The following PHYHIPL variants were observed in gnomAD, a reference collection of about 807,000 sequenced individuals.
The protein encoded by PHYHIPL is phytanoyl-CoA hydroxylase-interacting protein-like.
In PHYHIPL, 9 loss-of-function variants were observed where a neutral mutation model predicts 33.4. The observed-to-expected ratio is 0.27, with a 90% confidence interval of 0.16 to 0.47. The LOEUF (loss-of-function observed/expected upper bound fraction) is 0.47, where lower values mean the gene tolerates loss of function less well. Ranked by LOEUF, PHYHIPL falls within the 20% of genes least tolerant of loss-of-function variation. The probability of loss-of-function intolerance (pLI) is 0.99; values close to 1 mark genes in which losing one functional copy is unlikely to be tolerated. For synonymous variants in PHYHIPL, 153 were observed against 154.1 expected, an observed-to-expected ratio of 0.99 and a Z score of 0.05; for missense variants, 365 against 460.7, an observed-to-expected ratio of 0.79 and a Z score of 1.90.
chr10:59,211,655 C>T (rs1354881779), intron 1 of PHYHIPL, among the ~76,000 whole-genome samples: 7 of 88,726 alleles, frequency 7.9e-5, no homozygotes, highest in Non-Finnish European at 9.7e-5. Flanking sequence ...GGATTATAGG[C>T]GGACTCTCTA....
At chr10:59,221,642 C>G (rs1175296768) in intron 1 of PHYHIPL, 1 of 980,320 alleles carries the variant, frequency 1.0e-6, no homozygotes, top group African/African-American at 1.8e-5. Context: ...TCAGTGGAAT[C>G]AGAATTTTGT....
chr10:59,235,942 AATT>A (rs1483839891), intron 2 of PHYHIPL, among the ~76,000 whole-genome samples: 2 of 151,926 alleles, frequency 1.3e-5, no homozygotes, highest in Non-Finnish European at 2.9e-5. Context: ...GCTTTAGTGA[AATT>A]ATTGGGTAGT....
intron 1 of PHYHIPL, among the ~76,000 whole-genome samples, chr10:59,232,461 T>C (rs1206038517): frequency 1.3e-5 from 2 of 152,058 alleles, no homozygotes; most frequent in East Asian, 3.9e-4. Flanking sequence ...CTCTCGAATT[T>C]TAACAATCAG....
intron 1 of PHYHIPL, among the ~76,000 whole-genome samples, chr10:59,204,785 G>A (rs1401001395): frequency 6.7e-6 from 1 of 148,694 alleles, no homozygotes; most frequent in Non-Finnish European, 1.5e-5. Context: ...TTATTCATGT[G>A]TTTATCATTC....
intron 1 of PHYHIPL, among the ~76,000 whole-genome samples, chr10:59,220,897 T>G (rs1839752583): frequency 6.6e-6 from 1 of 152,054 alleles, no homozygotes; most frequent in African/African-American, 2.4e-5. Flanking sequence ...ATAAATATGA[T>G]AACTAAAAAA....
intron 1 of PHYHIPL, among the ~76,000 whole-genome samples, chr10:59,224,318 GC>G (rs1424025871): frequency 1.3e-5 from 2 of 151,964 alleles, no homozygotes. Flanking sequence ...TGATTTTGAT[GC>G]CCATGGAGAA....
At chr10:59,220,765 C>T (rs529336023) in intron 1 of PHYHIPL, among the ~76,000 whole-genome samples, 1 of 152,074 alleles carries the variant, frequency 6.6e-6, no homozygotes, top group East Asian at 1.9e-4. Flanking sequence ...ACTTGAATGC[C>T]AGGCCTCTTA....
rs867814357 is a variant in PHYHIPL at position 59,203,738 on chromosome 10, T to G, written c.106+26779T>G. Among the ~76,000 whole-genome samples, 125 of 109,582 alleles carry G rather than the reference T, an allele frequency of 1.1e-3. 2 individuals carry two copies. The highest frequency in any genetic ancestry group is 1.8e-3 in the Admixed American group (13 of 7,094). 71.9% of individuals were successfully genotyped at this position (109,582 alleles called of 152,430 possible). ...ACAATGAGAACACTTGGACACAGGG[T>G]GGGGAACATCACACACCAGGGCCTG... On this transcript the variant is annotated intron_variant, in intron 1 of 4. Transcript: ENST00000373880.
At chr10:59,190,612 T>G (rs1377596828) in intron 1 of PHYHIPL, among the ~76,000 whole-genome samples, 1 of 151,928 alleles carries the variant, frequency 6.6e-6, no homozygotes, top group Non-Finnish European at 1.5e-5. Context: ...TTCTGAAAAT[T>G]TATTTGCATT....
At chr10:59,216,623 G>A (rs576044638) in intron 1 of PHYHIPL, among the ~76,000 whole-genome samples, 119 of 152,214 alleles carry the variant, frequency 7.8e-4, no homozygotes, top group Non-Finnish European at 1.6e-3. Flanking sequence ...AAAGGCAGAG[G>A]AGAGCTGGAA....
At chr10:59,183,555 A>T in intron 1 of PHYHIPL, 1 of 522,180 alleles carries the variant, frequency 1.9e-6, no homozygotes, top group Non-Finnish European at 2.5e-6. Context: ...TTTGTATCTC[A>T]CCCTTTGAGG....
intron 2 of PHYHIPL, 72 bp downstream of exon 2, chr10:59,234,572 C>G (rs749831842): frequency 3.7e-6 from 4 of 1,085,596 alleles, no homozygotes; most frequent in Non-Finnish European, 5.1e-6. Flanking sequence ...TTTAAAAGAA[C>G]GAATAATATT....
chr10:59,245,334 G>A lies in PHYHIPL; in HGVS notation c.874G>A (p.Gly292Arg). 6.2e-7 allele frequency: 1 copy of A among 1,614,134 alleles called. No individual in the cohort carries two copies. Among genetic ancestry groups the A allele is most frequent in the East Asian group, 2.2e-5 (1 of 44,874 alleles). ...ILVIAPVGSP[G>R]DEFCKQRLPQ... The stretch of plus-strand genomic sequence containing the variant: ...TGTTATTGCTCCTGTGGGATCACCA[G>A]GAGATGAATTTTGTAAGCAGCGCCT... Residue 292 changes from glycine (G) to arginine (R), a missense_variant, in exon 5 of 5, where the codon GGA (glycine) becomes AGA (arginine). This residue lies in a region of PHYHIPL where 196 missense variants were observed against 224.9 expected (regional missense o/e 0.87). Coordinates refer to ENST00000373880, the MANE Select transcript of PHYHIPL (RefSeq NM_032439.4).
intron 1 of PHYHIPL, among the ~76,000 whole-genome samples, chr10:59,211,432 A>T (rs1268720581): frequency 1.3e-5 from 2 of 152,026 alleles, no homozygotes; most frequent in Non-Finnish European, 2.9e-5. Context: ...GCTGGAGTAC[A>T]ATGGCATGAT....
chr10:59,242,272 G>C (rs1253494972), intron 4 of PHYHIPL, among the ~76,000 whole-genome samples: 1 of 152,068 alleles, frequency 6.6e-6, no homozygotes, highest in East Asian at 1.9e-4. Context: ...GTTAGCACAG[G>C]CTTAGTGGGA....
At chr10:59,238,924 G>T (rs1053033296) in intron 4 of PHYHIPL, among the ~76,000 whole-genome samples, 11 of 151,796 alleles carry the variant, frequency 7.2e-5, no homozygotes, top group African/African-American at 2.7e-4. Context: ...TGTGATACCA[G>T]TTCCTGCCCA....
chr10:59,188,205 GC>G (rs1409806117), intron 1 of PHYHIPL, among the ~76,000 whole-genome samples: 1 of 152,088 alleles, frequency 6.6e-6, no homozygotes, highest in East Asian at 1.9e-4. Context: ...CTTTATTTCT[GC>G]CTTCATTTTG....
At chr10:59,200,200 A>C (rs1589268650) in intron 1 of PHYHIPL, among the ~76,000 whole-genome samples, 1 of 152,204 alleles carries the variant, frequency 6.6e-6, no homozygotes, top group African/African-American at 2.4e-5. Context: ...AGTTTGTCAT[A>C]AACAACTCTT....
intron 1 of PHYHIPL, among the ~76,000 whole-genome samples, chr10:59,180,850 A>G (rs1397119228): frequency 6.6e-6 from 1 of 152,214 alleles, no homozygotes; most frequent in Non-Finnish European, 1.5e-5. Flanking sequence ...GCTTAATAGC[A>G]CAGTGATGTT....
Sources: allele counts gnomAD v4.1 joint callset (sites outside exome capture counted in the v4.1 genomes callset), GRCh38; gene constraint gnomAD v4.1.1; regional missense constraint gnomAD v4.1.1; transcripts MANE v1.5; gene names NCBI Gene and HGNC (gene_info 2026-07-23, HGNC 2026-07-21).